Variants in PRR35 observed in about 807,000 individuals in gnomAD.
The protein encoded by PRR35 is proline-rich protein 35.
In PRR35, 14 loss-of-function variants were observed where a neutral mutation model predicts 18.6. The ratio of observed to expected loss-of-function variants is 0.75; its 90% CI spans 0.50 to 1.18. The LOEUF is 1.18. PRR35 is among the 50% of genes most tolerant of loss of function. The pLI is 0.00. For missense variants in PRR35, 832 were observed against 792.2 expected (o/e 1.05, Z -0.60); for synonymous variants, 425 against 378.2 (o/e 1.12, Z -1.43).
chr16:560,419 G>A lies in PRR35; in HGVS notation c.-282G>A. ...AACTTCGGGAGGTGCGAGCGGCGTC[G>A]GGGGGACGCGGGCGGCGGCGGAGGC... is the stretch of plus-strand genomic sequence containing the variant. On this transcript the variant is annotated 5_prime_UTR_variant, in exon 1 of 3. Coordinates refer to ENST00000409413, the MANE Select transcript of PRR35 (RefSeq NM_145270.3). 1 of 983,006 alleles carries A rather than the reference G, an allele frequency of 1.0e-6. No individual in the cohort carries two copies. Among genetic ancestry groups the A allele is most frequent in the Non-Finnish European group, 1.2e-6 (1 of 829,008 alleles). The allele number at this position is 983,006 out of a possible 1,614,324, so 60.9% of individuals were successfully genotyped here. A position where few individuals can be genotyped will look rare whatever the true frequency, so the allele number is the denominator to read the frequency against.
At chr16:561,563 C>T (rs920778425) in intron 1 of PRR35, among the ~76,000 whole-genome samples, 15 of 152,242 alleles carry the variant, frequency 9.9e-5, no homozygotes, top group Admixed American at 2.0e-4. Flanking sequence ...CCCTGCCTCC[C>T]GACCGCCACC....
At chr16:562,289 G>A (rs1332652127) in intron 1 of PRR35, among the ~76,000 whole-genome samples, 5 of 152,226 alleles carry the variant, frequency 3.3e-5, no homozygotes, top group African/African-American at 4.8e-5. Context: ...TGGCTGAGCC[G>A]TGGGGCCATG....
chr16:561,727 A>G (rs2035438536), intron 1 of PRR35: 2 of 985,354 alleles, frequency 2.0e-6, no homozygotes, highest in Non-Finnish European at 2.4e-6. Context: ...GGCAGCAGAC[A>G]GCAGTGCCCC....
intron 1 of PRR35, 114 bp from the exon 2 acceptor site, chr16:563,142 C>T (rs1476906636): frequency 4.8e-6 from 5 of 1,049,040 alleles, no homozygotes; most frequent in Middle Eastern, 3.1e-4. Context: ...GCAGAGGCGG[C>T]GGGGTGGGGG....
chr16:562,559 A>G (rs1345089934), intron 1 of PRR35, among the ~76,000 whole-genome samples: 2 of 151,262 alleles, frequency 1.3e-5, no homozygotes, highest in Non-Finnish European at 3.0e-5. Flanking sequence ...ATGCACGCAC[A>G]CACACGTGCA....
intron 1 of PRR35, among the ~76,000 whole-genome samples, chr16:562,578 C>CAG (rs1346144229): frequency 3.0e-5 from 4 of 132,524 alleles, no homozygotes; most frequent in Non-Finnish European, 6.6e-5. Context: ...CATGCACACG[C>CAG]ACACATGCAC....
In PRR35 at chr16:563,283, TAGC is replaced by T. The variant is rs1233072020; in HGVS notation, c.-9_-7del. 1.3e-6 allele frequency: 2 copies of T among 1,595,772 alleles called. No homozygotes were observed. Among genetic ancestry groups the T allele is most frequent in the South Asian group, 1.1e-5 (1 of 89,602 alleles). ...GGCCATGGTGCCCGGCCCTGCCTCA[TAGC>T]AGGCTGCCATGTCGCGGGAGGCGGG... On this transcript the variant is annotated 5_prime_UTR_variant, in exon 2 of 3. Transcript: ENST00000409413.
chr16:564,251 C>T lies in PRR35; in HGVS notation c.957C>T (p.Asp319=). ...LGPWPRVTPR[D]PGQEGELERA... Reference sequence around the variant, plus strand: ...CCTGGCCCCGAGTCACCCCCAGGGACCCAGGGCAGGAGGGGGAGCTGGAGC... The same window carrying T: ...CCTGGCCCCGAGTCACCCCCAGGGATCCAGGGCAGGAGGGGGAGCTGGAGC... Residue 319 remains aspartate (D), a synonymous_variant, in exon 2 of 3, where the codon GAC becomes GAT. Transcript: ENST00000409413. The T allele has an allele frequency of 6.3e-7, 1 of 1,577,736 alleles. No individual in the cohort carries two copies. The highest frequency in any genetic ancestry group is 8.6e-7 in the Non-Finnish European group (1 of 1,166,968).
At chr16:560,301 G>T, upstream of PRR35, 1 of 965,672 alleles carries the variant, frequency 1.0e-6, no homozygotes, top group South Asian at 4.8e-5. Context: ...CGGGCCGGGG[G>T]CTGCTCCTTC....
chr16:565,084 C>G lies in PRR35; in HGVS notation c.1493C>G (p.Pro498Arg). Residue 498 changes from proline to arginine, a missense_variant, in exon 3 of 3, where the codon CCC (proline) becomes CGC (arginine). Around this residue, in one of 3 missense-constraint regions of PRR35, gnomAD observed 768 missense variants for 704.1 expected, o/e 1.09. Coordinates refer to ENST00000409413, the MANE Select transcript of PRR35 (RefSeq NM_145270.3). ...ELGPVLTGGT[P>R]EPPGMLGPAA... ...GGTCCCGTGTTGACCGGGGGCACCCCCGAGCCACCCGGCATGCTGGGCCCT... is the reference window on the plus strand; with the variant it reads ...GGTCCCGTGTTGACCGGGGGCACCCGCGAGCCACCCGGCATGCTGGGCCCT... 6.3e-7 allele frequency: 1 copy of G among 1,592,890 alleles called. No individual in the cohort carries two copies. The highest frequency in any genetic ancestry group is 8.6e-7 in the Non-Finnish European group (1 of 1,169,234).
In PRR35 at chr16:565,406, C is replaced by T. The variant is rs1043184270; in HGVS notation, c.*99C>T. The stretch of plus-strand genomic sequence containing the variant: ...CTGCCTGGGACCTGCCCCGCCTCCG[C>T]ATGCATGTGGATAGACCCCCACGGG... On this transcript the variant is annotated 3_prime_UTR_variant, in exon 3 of 3. Transcript: ENST00000409413. The T allele has an allele frequency of 1.1e-5, 14 of 1,288,224 alleles. No homozygotes were observed. In the African/African-American group the frequency reaches 1.2e-4, roughly 11 times the overall value. 79.8% of individuals were successfully genotyped at this position (1,288,224 alleles called of 1,614,324 possible).
At position 564,725 on chromosome 16, in the gene PRR35, C is replaced by T. The variant is rs1315404847; in HGVS notation, c.1134C>T (p.Gly378=). 42 of 1,533,708 alleles carry T rather than the reference C, an allele frequency of 2.7e-5. No homozygotes were observed. The highest frequency in any genetic ancestry group is 3.4e-5 in the Non-Finnish European group (39 of 1,146,424). ...TGTGGCCTGAGGACGGGGATCCAGG[C>T]GGCCCTGAGACCCCCGGCCCTGAGG... ...VMLWPEDGDP[G]GPETPGPEGP... Residue 378 remains glycine, a synonymous_variant, in exon 3 of 3, where the codon GGC becomes GGT. Coordinates refer to ENST00000409413, the MANE Select transcript of PRR35 (RefSeq NM_145270.3).
At chr16:560,780 CCCCA>C in intron 1 of PRR35, 119 bp downstream of exon 1, 9 of 860,606 alleles carry the variant, frequency 1.0e-5, no homozygotes, top group Non-Finnish European at 1.3e-5. Context: ...GCCGGGTCCC[CCCCA>C]CCCTCTTCTC....
chr16:561,507 G>A (rs1258167394), intron 1 of PRR35, among the ~76,000 whole-genome samples: 1 of 152,194 alleles, frequency 6.6e-6, no homozygotes, highest in African/African-American at 2.4e-5. Flanking sequence ...AGTCCAGGCC[G>A]GGTCTGCAGC....
rs952525353 is a variant in PRR35, at chr16:563,909, C to A, written c.615C>A (p.His205Gln). 7 of 1,589,726 alleles carry A rather than the reference C, an allele frequency of 4.4e-6. No individual in the cohort carries two copies. In the African/African-American group the frequency reaches 6.7e-5, roughly 15 times the overall value. ...PGEFPEAHSL[H>Q]LSLLGVNYPL... ...AGTTCCCTGAGGCCCACAGCCTCCA[C>A]CTGTCTCTGCTGGGCGTCAACTACC... is the stretch of plus-strand genomic sequence containing the variant. Residue 205 changes from histidine (H) to glutamine (Q), a missense_variant, in exon 2 of 3, where the codon CAC becomes CAA. His to Gln is a conservative substitution (Grantham distance 24). Coordinates refer to ENST00000409413, the MANE Select transcript of PRR35 (RefSeq NM_145270.3).
Position 562,437 on chromosome 16 carries a change from CACAT to C in PRR35, c.-39-818_-39-815del, listed in dbSNP as rs1325610579. Among the ~76,000 whole-genome samples, 102 of 152,380 alleles carry C rather than the reference CACAT, an allele frequency of 6.7e-4. 3 individuals carry two copies. The South Asian group carries it at 0.011, about 16-fold the overall frequency. On this transcript the variant is annotated intron_variant, in intron 1 of 2. Coordinates refer to ENST00000409413, the MANE Select transcript of PRR35 (RefSeq NM_145270.3). Reference sequence around the variant, plus strand: ...ACACACACGCATACACACGCACTCACACATGCATGCATGCACACATGCACACACA... The same window carrying C: ...ACACACACGCATACACACGCACTCACGCATGCATGCACACATGCACACACA...
At chr16:561,658 A>G (rs1263364881) in intron 1 of PRR35, 1 of 885,920 alleles carries the variant, frequency 1.1e-6, no homozygotes, top group Non-Finnish European at 1.4e-6. Context: ...CCTTTGGACG[A>G]GTGGACTTCT....
At chr16:561,986 G>C (rs913627260) in intron 1 of PRR35, among the ~76,000 whole-genome samples, 1 of 152,340 alleles carries the variant, frequency 6.6e-6, no homozygotes, top group East Asian at 1.9e-4. Context: ...GGCAGACTCC[G>C]TTCTGAGCTT....
Position 565,328 on chromosome 16 carries a change from A to T in PRR35, c.*21A>T. 6.9e-7 allele frequency: 1 copy of T among 1,451,592 alleles called. No homozygotes were observed. Among genetic ancestry groups the T allele is most frequent in the Non-Finnish European group, 9.1e-7 (1 of 1,101,508 alleles). 89.9% of individuals were successfully genotyped at this position (1,451,592 alleles called of 1,614,324 possible). A position where few individuals can be genotyped will look rare whatever the true frequency, so the allele number is the denominator to read the frequency against. On this transcript the variant is annotated 3_prime_UTR_variant, in exon 3 of 3. Transcript: ENST00000409413. Reference sequence around the variant, plus strand: ...TCTGACCTGCAGCGCCTGAGGTCTGACTGTCTCTGCCTGCAGCATGCCGGC... The same window carrying T: ...TCTGACCTGCAGCGCCTGAGGTCTGTCTGTCTCTGCCTGCAGCATGCCGGC...
Sources: gnomAD v4.1 joint callset for allele counts (sites outside exome capture counted in the v4.1 genomes callset) on GRCh38, gnomAD v4.1.1 for gene constraint, gnomAD v4.1.1 regional missense constraint, MANE v1.5 for transcripts, NCBI Gene and HGNC (gene_info 2026-07-23, HGNC 2026-07-21) for gene names.